The following STK38L variants were observed in gnomAD, a reference collection of about 807,000 sequenced individuals.
The protein encoded by STK38L is serine/threonine-protein kinase 38-like.
Under a neutral mutation model 59.7 loss-of-function variants are expected in STK38L, and 28 were observed. The ratio of observed to expected loss-of-function variants is 0.47; its 90% CI spans 0.35 to 0.64. The LOEUF is 0.64. Ranked by LOEUF, STK38L falls within the 30% of genes least tolerant of loss-of-function variation. The probability of loss-of-function intolerance (pLI) is 0.01; values close to 1 mark genes in which losing one functional copy is unlikely to be tolerated. For synonymous variants in STK38L, 162 were observed against 176.8 expected (o/e 0.92, Z 0.66); for missense variants, 314 against 555.8 (o/e 0.56, Z 4.37).
chr12:27,262,083 C>T (rs1185465443), intron 1 of STK38L, among the ~76,000 whole-genome samples: 2 of 152,172 alleles, frequency 1.3e-5, no homozygotes, highest in African/African-American at 4.8e-5. Context: ...AAGTCTGTTA[C>T]AGATGATTGT....
chr12:27,291,468 C>G lies in STK38L; in HGVS notation c.-11-6242C>G, dbSNP rs1289237382. 4.6e-5 allele frequency among the ~76,000 whole-genome samples: 7 copies of G among 152,258 alleles called. No homozygotes were observed. The East Asian group carries it at 9.6e-4, about 21-fold the overall frequency. Reference sequence around the variant, plus strand: ...ACTGATTTCTCCCTACTTTGTGTCTCCATAAGATCATGAACTCCCTAAGGG... The same window carrying G: ...ACTGATTTCTCCCTACTTTGTGTCTGCATAAGATCATGAACTCCCTAAGGG... On this transcript the variant is annotated intron_variant, in intron 1 of 13. Transcript: ENST00000389032.
chr12:27,246,027 C>T (rs1029777789), intron 1 of STK38L, among the ~76,000 whole-genome samples: 1 of 152,168 alleles, frequency 6.6e-6, no homozygotes, highest in Non-Finnish European at 1.5e-5. Context: ...TAGCCATTTG[C>T]TCTTGAGTTT....
chr12:27,256,133 C>T (rs1420450078), intron 1 of STK38L, among the ~76,000 whole-genome samples: 1 of 152,216 alleles, frequency 6.6e-6, no homozygotes, highest in African/African-American at 2.4e-5. Flanking sequence ...AATATTCATT[C>T]AGGTGCCCAG....
At position 27,306,714 on chromosome 12, in the gene STK38L, A is replaced by AACACACACACACACACACACACACAC. The variant is rs10553623; in HGVS notation, c.187-1611_187-1586dup. On this transcript the variant is annotated intron_variant, in intron 3 of 13. Transcript: ENST00000389032. Reference sequence around the variant, plus strand: ...GTGTTGGTATTTCAGGAATTTTATAAACACACACACACACACACACACACA... The same window carrying AACACACACACACACACACACACACAC: ...GTGTTGGTATTTCAGGAATTTTATAAACACACACACACACACACACACACACACACACACACACACACACACACACA... 7.3e-3 allele frequency among the ~76,000 whole-genome samples: 1,010 copies of AACACACACACACACACACACACACAC among 139,150 alleles called. 15 individuals are homozygous for AACACACACACACACACACACACACAC. Among genetic ancestry groups the AACACACACACACACACACACACACAC allele is most frequent in the East Asian group, 0.018 (85 of 4,634 alleles). 91.3% of individuals were successfully genotyped at this position (139,150 alleles called of 152,430 possible). A position where few individuals can be genotyped will look rare whatever the true frequency, so the allele number is the denominator to read the frequency against.
At chr12:27,310,848 C>T (rs1944437949) in intron 5 of STK38L, among the ~76,000 whole-genome samples, 1 of 152,152 alleles carries the variant, frequency 6.6e-6, no homozygotes, top group African/African-American at 2.4e-5. Flanking sequence ...GTCTAGTTGC[C>T]TTTGCATTTT....
rs1323497248 is a variant in STK38L, at chr12:27,325,779, A to G, written c.*3324A>G. Reference sequence around the variant, plus strand: ...GGATATTGCTGCTTTAAAAAGGAATAAAGTAATAAAAATATATCTCAGCTA... The same window carrying G: ...GGATATTGCTGCTTTAAAAAGGAATGAAGTAATAAAAATATATCTCAGCTA... On this transcript the variant is annotated 3_prime_UTR_variant, in exon 14 of 14. Transcript: ENST00000389032. 6.6e-6 allele frequency: 1 copy of G among 152,202 alleles called. No individual in the cohort carries two copies. The highest frequency in any genetic ancestry group is 2.4e-5 in the African/African-American group (1 of 41,470). The allele number at this position is 152,202 out of a possible 1,614,324, so 9.4% of individuals were successfully genotyped here. A position where few individuals can be genotyped will look rare whatever the true frequency, so the allele number is the denominator to read the frequency against.
At chr12:27,289,724 T>C (rs1440498327) in intron 1 of STK38L, among the ~76,000 whole-genome samples, 2 of 152,194 alleles carry the variant, frequency 1.3e-5, no homozygotes, top group Admixed American at 1.3e-4. Flanking sequence ...ACAAATAAAT[T>C]GGTGTGTGTT....
At chr12:27,257,758 A>G (rs968067138) in intron 1 of STK38L, among the ~76,000 whole-genome samples, 1 of 152,036 alleles carries the variant, frequency 6.6e-6, no homozygotes, top group African/African-American at 2.4e-5. Flanking sequence ...TATGGCATTC[A>G]CCTTCCTTGT....
intron 1 of STK38L, among the ~76,000 whole-genome samples, chr12:27,281,497 G>T (rs1943657899): frequency 6.6e-6 from 1 of 152,158 alleles, no homozygotes; most frequent in Non-Finnish European, 1.5e-5. Context: ...TTCCAGTTGA[G>T]AGGCCTCTGG....
chr12:27,307,034 C>T (rs1944335228), intron 3 of STK38L, among the ~76,000 whole-genome samples: 1 of 152,074 alleles, frequency 6.6e-6, no homozygotes, highest in African/African-American at 2.4e-5. Flanking sequence ...CGGCTTATCG[C>T]CTCACTTCTT....
chr12:27,317,013 G>A (rs2136651323), intron 9 of STK38L, among the ~76,000 whole-genome samples: 1 of 152,238 alleles, frequency 6.6e-6, no homozygotes, highest in South Asian at 2.1e-4. Flanking sequence ...ACTTAACTGA[G>A]CTTCTTGTGG....
At chr12:27,289,813 A>G (rs1943856483) in intron 1 of STK38L, among the ~76,000 whole-genome samples, 1 of 152,254 alleles carries the variant, frequency 6.6e-6, no homozygotes, top group African/African-American at 2.4e-5. Flanking sequence ...TCTACCCCAA[A>G]TCACTACTAA....
intron 1 of STK38L, among the ~76,000 whole-genome samples, chr12:27,250,729 G>A (rs1057324112): frequency 1.3e-5 from 2 of 151,946 alleles, no homozygotes; most frequent in East Asian, 1.9e-4. Flanking sequence ...GGCCGGGCGC[G>A]GTGACTCACG....
intron 1 of STK38L, among the ~76,000 whole-genome samples, chr12:27,276,034 A>G (rs73083077): frequency 0.18 from 27,624 of 152,206 alleles, 2,781 homozygotes; most frequent in Non-Finnish European, 0.23. Flanking sequence ...AAATGTGTAC[A>G]AGACTTAATA....
At chr12:27,318,493 C>T (rs927709674) in intron 11 of STK38L, among the ~76,000 whole-genome samples, 2 of 152,048 alleles carry the variant, frequency 1.3e-5, no homozygotes, top group South Asian at 4.2e-4. Context: ...TTTTAAAATC[C>T]CTAAACTATG....
At chr12:27,260,610 C>T (rs1037327173) in intron 1 of STK38L, among the ~76,000 whole-genome samples, 7 of 152,156 alleles carry the variant, frequency 4.6e-5, no homozygotes, top group African/African-American at 1.7e-4. Flanking sequence ...GCTTCAGGGC[C>T]TTTGCACTTA....
At chr12:27,270,073 C>G (rs1943391632) in intron 1 of STK38L, among the ~76,000 whole-genome samples, 3 of 152,190 alleles carry the variant, frequency 2.0e-5, no homozygotes, top group Admixed American at 6.5e-5. Context: ...ATTGTAGATG[C>G]ATTTGTCTCT....
At chr12:27,285,159 T>C (rs1242727934) in intron 1 of STK38L, among the ~76,000 whole-genome samples, 2 of 152,350 alleles carry the variant, frequency 1.3e-5, no homozygotes, top group South Asian at 2.1e-4. Context: ...TGCTTCTGGC[T>C]CTTAAGTTGT....
chr12:27,302,318 A>G, intron 3 of STK38L, 130 bp downstream of exon 3: 1 of 675,094 alleles, frequency 1.5e-6, no homozygotes, highest in Non-Finnish European at 2.4e-6. Context: ...TGTTGCTGTC[A>G]TGGATATCTT....
Sources: allele counts gnomAD v4.1 joint callset (sites outside exome capture counted in the v4.1 genomes callset), GRCh38; gene constraint gnomAD v4.1.1; transcripts MANE v1.5; gene names NCBI Gene and HGNC (gene_info 2026-07-23, HGNC 2026-07-21).